The following CNTN5 variants were observed in gnomAD, a reference collection of about 807,000 sequenced individuals.
CNTN5 encodes contactin-5.
In CNTN5, 77 loss-of-function variants were observed where a neutral mutation model predicts 129.1. That is an observed-to-expected ratio of 0.60 (90% CI 0.50 to 0.72). The LOEUF is 0.72. CNTN5 is among the 30% of genes least tolerant of loss of function. CNTN5 has a pLI of 0.00. For synonymous variants in CNTN5, 509 were observed against 465.6 expected, an observed-to-expected ratio of 1.09 and a Z score of -1.20; for missense variants, 1,478 against 1,328.8, an observed-to-expected ratio of 1.11 and a Z score of -1.75.
At chr11:99,071,721 T>C (rs1296890624) in intron 1 of CNTN5, among the ~76,000 whole-genome samples, 1 of 152,242 alleles carries the variant, frequency 6.6e-6, no homozygotes, top group East Asian at 1.9e-4. Flanking sequence ...ATCATTTGCT[T>C]TATTTATGAA....
chr11:99,226,503 CTG>C (rs1208301785), intron 1 of CNTN5, among the ~76,000 whole-genome samples: 2 of 152,138 alleles, frequency 1.3e-5, no homozygotes, highest in African/African-American at 2.4e-5. Flanking sequence ...CTCATTTGTA[CTG>C]TCTTTCCCTT....
chr11:100,091,331 A>T (rs1233905612), intron 13 of CNTN5, among the ~76,000 whole-genome samples: 1 of 149,336 alleles, frequency 6.7e-6, no homozygotes, highest in Non-Finnish European at 1.5e-5. Context: ...TATTACCCCT[A>T]TCCTTGTTAC....
In CNTN5 at chr11:99,447,151, G is replaced by A. The variant is rs564695051; in HGVS notation, c.-70-108994G>A. Among the ~76,000 whole-genome samples the A allele has an allele frequency of 1.1e-4, 16 of 152,178 alleles. No individual in the cohort carries two copies. In the South Asian group the frequency reaches 3.1e-3, roughly 30 times the overall value. On this transcript the variant is annotated intron_variant, in intron 2 of 24. Transcript: ENST00000524871. ...AGCCTTGATAAATTACTTAAACTCTGAACTTCAATTTCTTCATTTCTTAAA... is the reference window on the plus strand; with the variant it reads ...AGCCTTGATAAATTACTTAAACTCTAAACTTCAATTTCTTCATTTCTTAAA...
chr11:99,162,350 T>C (rs1860660150), intron 1 of CNTN5, among the ~76,000 whole-genome samples: 1 of 152,120 alleles, frequency 6.6e-6, no homozygotes, highest in South Asian at 2.1e-4. Flanking sequence ...ACTGTCTTGC[T>C]TCGCTTTTAG....
intron 3 of CNTN5, among the ~76,000 whole-genome samples, chr11:99,730,105 TG>T (rs898720750): frequency 6.6e-5 from 10 of 152,296 alleles, no homozygotes; most frequent in Admixed American, 6.5e-4. Context: ...CTTGTTCCCA[TG>T]CACTCCCCAC....
At chr11:99,900,297 G>T (rs1271472944) in intron 6 of CNTN5, among the ~76,000 whole-genome samples, 1 of 150,158 alleles carries the variant, frequency 6.7e-6, no homozygotes. Context: ...GCACCACTAG[G>T]TTTCTAATTA....
intron 7 of CNTN5, among the ~76,000 whole-genome samples, chr11:99,934,572 C>A (rs905652154): frequency 6.6e-6 from 1 of 152,036 alleles, no homozygotes; most frequent in African/African-American, 2.4e-5. Flanking sequence ...TTAATACGTA[C>A]AACGATTCTA....
At chr11:100,009,299 C>T (rs1251137338) in intron 9 of CNTN5, among the ~76,000 whole-genome samples, 1 of 152,034 alleles carries the variant, frequency 6.6e-6, no homozygotes, top group Non-Finnish European at 1.5e-5. Context: ...TAGAATTGCA[C>T]AAGGTTGAGT....
At chr11:99,100,368 C>G (rs1591189015) in intron 1 of CNTN5, among the ~76,000 whole-genome samples, 1 of 152,108 alleles carries the variant, frequency 6.6e-6, no homozygotes, top group African/African-American at 2.4e-5. Context: ...TATTCTTCAA[C>G]TTCTTGATCT....
intron 2 of CNTN5, among the ~76,000 whole-genome samples, chr11:99,390,949 G>A (rs1941227833): frequency 6.6e-6 from 1 of 151,688 alleles, no homozygotes; most frequent in Admixed American, 6.6e-5. Flanking sequence ...TTTTATTATA[G>A]TTTCTTTGTA....
intron 8 of CNTN5, among the ~76,000 whole-genome samples, chr11:99,971,727 T>C (rs1488513174): frequency 6.6e-6 from 1 of 151,960 alleles, no homozygotes; most frequent in Admixed American, 6.5e-5. Flanking sequence ...ATCGAAATTA[T>C]GGTCAAAGAA....
At chr11:100,309,438 CTAA>C (rs1951424930) in intron 21 of CNTN5, 1 of 967,822 alleles carries the variant, frequency 1.0e-6, no homozygotes, top group Admixed American at 6.2e-5. Flanking sequence ...TACAATCTTT[CTAA>C]GAGTTACAGC....
chr11:99,280,776 A>G (rs1233065514), intron 1 of CNTN5, among the ~76,000 whole-genome samples: 1 of 151,876 alleles, frequency 6.6e-6, no homozygotes, highest in Non-Finnish European at 1.5e-5. Flanking sequence ...AAAGTTAATA[A>G]TAATCTTTTG....
At chr11:100,023,248 A>C (rs912930616) in intron 9 of CNTN5, among the ~76,000 whole-genome samples, 1 of 152,156 alleles carries the variant, frequency 6.6e-6, no homozygotes, top group Non-Finnish European at 1.5e-5. Flanking sequence ...CCTCAAATTT[A>C]CTAATTTTCT....
At position 99,845,483 on chromosome 11, in the gene CNTN5, C is replaced by A. The variant is rs950684655; in HGVS notation, c.577+221C>A. Among the ~76,000 whole-genome samples the A allele has an allele frequency of 2.7e-5, 4 of 147,590 alleles. No homozygotes were observed. The South Asian group carries it at 8.5e-4, about 31-fold the overall frequency. ...CGCCTCCCGGGTTCACGCCATTCTC[C>A]TGCCTCAGCCTCCCAAGTAGCTGGG... On this transcript the variant is annotated intron_variant, in intron 6 of 24. Coordinates refer to ENST00000524871, the MANE Select transcript of CNTN5 (RefSeq NM_014361.4).
At chr11:99,114,090 A>G (rs1422886914) in intron 1 of CNTN5, among the ~76,000 whole-genome samples, 1 of 152,162 alleles carries the variant, frequency 6.6e-6, no homozygotes, top group Admixed American at 6.5e-5. Context: ...TATCTGTACA[A>G]GGGATGATAC....
intron 16 of CNTN5, among the ~76,000 whole-genome samples, chr11:100,250,506 A>G (rs1281391934): frequency 2.6e-5 from 4 of 152,100 alleles, no homozygotes; most frequent in African/African-American, 7.2e-5. Flanking sequence ...AGGCAGTTTA[A>G]TGGCTGCCTA....
intron 4 of CNTN5, among the ~76,000 whole-genome samples, chr11:99,823,199 A>G (rs1403408076): frequency 6.6e-6 from 1 of 152,250 alleles, no homozygotes; most frequent in Non-Finnish European, 1.5e-5. Context: ...TAATAAACAC[A>G]TAATCTTTGT....
At chr11:100,074,108 G>C in intron 12 of CNTN5, 36 bp from the exon 13 acceptor site, 1 of 1,584,740 alleles carries the variant, frequency 6.3e-7, no homozygotes, top group Non-Finnish European at 8.6e-7. Context: ...TATTGTCATT[G>C]CTTCTGGTAG....
Sources: allele counts gnomAD v4.1 joint callset (sites outside exome capture counted in the v4.1 genomes callset), GRCh38; gene constraint gnomAD v4.1.1; transcripts MANE v1.5; gene names NCBI Gene and HGNC (gene_info 2026-07-23, HGNC 2026-07-21).